TRIM59: variants seen among roughly 807,000 people sequenced by gnomAD.
TRIM59 encodes the protein tripartite motif containing 59.
TRIM59 carries 14 observed loss-of-function variants against 32.2 expected under a neutral mutation model. That is an observed-to-expected ratio of 0.43 (90% CI 0.29 to 0.68). The LOEUF is 0.68. TRIM59 is among the 30% of genes least tolerant of loss of function. The pLI is 0.15. For synonymous variants in TRIM59, 163 were observed against 155.1 expected (o/e 1.05, Z -0.38); for missense variants, 471 against 463.3 (o/e 1.02, Z -0.15).
At chr3:160,449,434 G>T in intron 1 of TRIM59, 1 of 1,144,242 alleles carries the variant, frequency 8.7e-7, no homozygotes, top group Non-Finnish European at 1.1e-6. Flanking sequence ...CCCCAACCCC[G>T]CGGGACTGAC....
chr3:160,436,424 A>T lies in TRIM59; in HGVS notation c.*1548T>A. 1.0e-6 allele frequency: 1 copy of T among 985,960 alleles called. No homozygotes were observed. The highest frequency in any genetic ancestry group is 1.2e-6 in the Non-Finnish European group (1 of 829,994). 61.1% of individuals were successfully genotyped at this position (985,960 alleles called of 1,614,324 possible). On this transcript the variant is annotated 3_prime_UTR_variant, in exon 3 of 3. Transcript: ENST00000309784. ...GACAGTGGGCCAAAAGTCGTAACAC[A>T]TGCATCATAACTCCAGTCCCTGTTA... is the stretch of plus-strand genomic sequence containing the variant.
At position 160,435,861 on chromosome 3, in the gene TRIM59, G is replaced by A. The variant is rs1328706033; in HGVS notation, c.*2111C>T. ...GCATGGGTTTTCTCACAGCTATATG[G>A]CCTTGGACAAGTCACTTGTCAGTTC... On this transcript the variant is annotated 3_prime_UTR_variant, in exon 3 of 3. Coordinates refer to ENST00000309784, the MANE Select transcript of TRIM59 (RefSeq NM_173084.3). 1.1e-6 allele frequency: 1 copy of A among 934,084 alleles called. No homozygotes were observed. The highest frequency in any genetic ancestry group is 1.5e-6 in the Non-Finnish European group (1 of 664,754). The allele number at this position is 934,084 out of a possible 1,614,324, so 57.9% of individuals were successfully genotyped here. A position where few individuals can be genotyped will look rare whatever the true frequency, so the allele number is the denominator to read the frequency against.
rs577317775 is a variant in TRIM59, at chr3:160,449,739, C to G, written c.-96G>C. The G allele has an allele frequency of 1.6e-6, 2 of 1,289,788 alleles. No homozygotes were observed. The highest frequency in any genetic ancestry group is 2.0e-6 in the Non-Finnish European group (2 of 988,790). 79.9% of individuals were successfully genotyped at this position (1,289,788 alleles called of 1,614,324 possible). The stretch of plus-strand genomic sequence containing the variant: ...CACCGCGGGGAGGAAGCGGACCAGG[C>G]AACTCCACAGCACGGAAACACAGCG... On this transcript the variant is annotated 5_prime_UTR_variant, in exon 1 of 3. Coordinates refer to ENST00000309784, the MANE Select transcript of TRIM59 (RefSeq NM_173084.3).
rs1719074670 is a variant in TRIM59, at chr3:160,438,211, C to G, written c.973G>C (p.Glu325Gln). Residue 325 changes from glutamate to glutamine, a missense_variant, in exon 3 of 3, where the codon GAA (glutamate) becomes CAA (glutamine). By Grantham distance (29) the Glu-to-Gln change is conservative (BLOSUM62 2). Coordinates refer to ENST00000309784, the MANE Select transcript of TRIM59 (RefSeq NM_173084.3). ...ACAATGTTTAAAATTTTTAAAAATT[C>G]AACTTCCTTTTCATCCTTACCAGGC... ...SWPGKDEKEV[E>Q]FLKILNIVVV... 4 of 1,612,686 alleles carry G rather than the reference C, an allele frequency of 2.5e-6. No homozygotes were observed. The highest frequency in any genetic ancestry group is 2.5e-6 in the Non-Finnish European group (3 of 1,179,692).
Position 160,438,817 on chromosome 3 carries a change from T to C in TRIM59, c.367A>G (p.Ile123Val), listed in dbSNP as rs750546351. The C allele has an allele frequency of 1.2e-6, 2 of 1,614,036 alleles. No individual in the cohort carries two copies. The highest frequency in any genetic ancestry group is 1.7e-5 in the Admixed American group (1 of 60,028). Residue 123 changes from isoleucine to valine, a missense_variant, in exon 3 of 3, where the codon ATA (isoleucine) becomes GTA (valine). Coordinates refer to ENST00000309784, the MANE Select transcript of TRIM59 (RefSeq NM_173084.3). ...ATAGGATGACCATGATGTTGACCTA[T>C]GGTAAGGCAATGACCACAAACTAAT... ...KKLVCGHCLT[I>V]GQHHGHPIDD...
rs1718932287 is a variant in TRIM59 at position 160,436,156 on chromosome 3, A to G, written c.*1816T>C. 4.8e-6 allele frequency: 5 copies of G among 1,031,866 alleles called. No individual in the cohort carries two copies. Among genetic ancestry groups the G allele is most frequent in the Non-Finnish European group, 5.8e-6 (5 of 856,726 alleles). The allele number at this position is 1,031,866 out of a possible 1,614,324, so 63.9% of individuals were successfully genotyped here. Reference sequence around the variant, plus strand: ...TAGGTATAAGTCTGATTCTAATAATAAATTGATATAATACAGTCATCTTAG... The same window carrying G: ...TAGGTATAAGTCTGATTCTAATAATGAATTGATATAATACAGTCATCTTAG... On this transcript the variant is annotated 3_prime_UTR_variant, in exon 3 of 3. Coordinates refer to ENST00000309784, the MANE Select transcript of TRIM59 (RefSeq NM_173084.3).
Position 160,435,955 on chromosome 3 carries a change from A to C in TRIM59, c.*2017T>G. 7.8e-7 allele frequency: 1 copy of C among 1,281,144 alleles called. No individual in the cohort carries two copies. The highest frequency in any genetic ancestry group is 1.0e-6 in the Non-Finnish European group (1 of 985,764). The allele number at this position is 1,281,144 out of a possible 1,614,324, so 79.4% of individuals were successfully genotyped here. On this transcript the variant is annotated 3_prime_UTR_variant, in exon 3 of 3. Transcript: ENST00000309784. ...ATGAGATTAAGTAGTTTAACACATA[A>C]TGGCTAACATTTCATTGCTTACGTG... is the stretch of plus-strand genomic sequence containing the variant.
In TRIM59 at chr3:160,438,827, A is replaced by G. The variant is rs780333273; in HGVS notation, c.357T>C (p.His119=). 56 of 1,613,946 alleles carry G rather than the reference A, an allele frequency of 3.5e-5. No homozygotes were observed. The highest frequency in any genetic ancestry group is 4.7e-5 in the Non-Finnish European group (56 of 1,179,994). ...CATGATGTTGACCTATGGTAAGGCA[A>G]TGACCACAAACTAATTTTTTATCTA... ...CLLDKKLVCG[H]CLTIGQHHGH... is the part of the protein sequence containing the mutation. Residue 119 remains histidine, a synonymous_variant, in exon 3 of 3, where the codon CAT becomes CAC. Coordinates refer to ENST00000309784, the MANE Select transcript of TRIM59 (RefSeq NM_173084.3).
At chr3:160,441,367 T>C (rs1348103535) in intron 2 of TRIM59, among the ~76,000 whole-genome samples, 4 of 152,230 alleles carry the variant, frequency 2.6e-5, no homozygotes, top group African/African-American at 9.6e-5. Context: ...CCTGTGTTAA[T>C]ACAGATTTTT....
rs1718912566 is a variant in TRIM59, at chr3:160,435,863, C to T, written c.*2109G>A. 4.1e-6 allele frequency: 4 copies of T among 984,424 alleles called. No homozygotes were observed. Among genetic ancestry groups the T allele is most frequent in the Non-Finnish European group, 5.6e-6 (4 of 710,812 alleles). 61.0% of individuals were successfully genotyped at this position (984,424 alleles called of 1,614,324 possible). On this transcript the variant is annotated 3_prime_UTR_variant, in exon 3 of 3. Coordinates refer to ENST00000309784, the MANE Select transcript of TRIM59 (RefSeq NM_173084.3). ...ATGGGTTTTCTCACAGCTATATGGCCTTGGACAAGTCACTTGTCAGTTCCC... is the reference window on the plus strand; with the variant it reads ...ATGGGTTTTCTCACAGCTATATGGCTTTGGACAAGTCACTTGTCAGTTCCC...
chr3:160,435,866 G>T lies in TRIM59; in HGVS notation c.*2106C>A. 1.0e-6 allele frequency: 1 copy of T among 1,002,938 alleles called. No individual in the cohort carries two copies. Among genetic ancestry groups the T allele is most frequent in the Non-Finnish European group, 1.4e-6 (1 of 727,596 alleles). 62.1% of individuals were successfully genotyped at this position (1,002,938 alleles called of 1,614,324 possible). A position where few individuals can be genotyped will look rare whatever the true frequency, so the allele number is the denominator to read the frequency against. ...GGTTTTCTCACAGCTATATGGCCTT[G>T]GACAAGTCACTTGTCAGTTCCCTCA... On this transcript the variant is annotated 3_prime_UTR_variant, in exon 3 of 3. Coordinates refer to ENST00000309784, the MANE Select transcript of TRIM59 (RefSeq NM_173084.3).
chr3:160,449,550 T>C, intron 1 of TRIM59, 167 bp downstream of exon 1: 1 of 1,273,094 alleles, frequency 7.9e-7, no homozygotes, highest in Non-Finnish European at 1.0e-6. Flanking sequence ...CTCCCCAAAC[T>C]CCAGTATGGG....
chr3:160,449,340 G>T, intron 1 of TRIM59: 1 of 387,602 alleles, frequency 2.6e-6, no homozygotes, highest in Non-Finnish European at 4.2e-6. Flanking sequence ...GGCTCAAAAT[G>T]GCAGTACTCT....
chr3:160,438,122 G>C lies in TRIM59; in HGVS notation c.1062C>G (p.Thr354=). 6.2e-7 allele frequency: 1 copy of C among 1,612,446 alleles called. No homozygotes were observed. The highest frequency in any genetic ancestry group is 8.5e-7 in the Non-Finnish European group (1 of 1,179,540). The stretch of plus-strand genomic sequence containing the variant: ...ATATTAAAGTGATTTCACTTAAAAA[G>C]GTTATGATGTGTTGGTTGAAAAAGA... The part of the protein sequence containing the change: ...SILFFNQHII[T]FLSEITLIWF... Residue 354 remains threonine (T), a synonymous_variant, in exon 3 of 3, where the codon ACC becomes ACG. Coordinates refer to ENST00000309784, the MANE Select transcript of TRIM59 (RefSeq NM_173084.3).
At chr3:160,445,773 CAAAAAAAAAAAA>C in intron 2 of TRIM59, among the ~76,000 whole-genome samples, 1 of 90,910 alleles carries the variant, frequency 1.1e-5, no homozygotes, top group East Asian at 4.1e-4. Flanking sequence ...GACTCTGTCT[CAAAAAAAAAAAA>C]AAAAAAAAAT....
chr3:160,444,785 G>C (rs1196401741), intron 2 of TRIM59, among the ~76,000 whole-genome samples: 1 of 152,204 alleles, frequency 6.6e-6, no homozygotes, highest in African/African-American at 2.4e-5. Context: ...CCAGACACAT[G>C]AGTGAAAAAG....
chr3:160,437,299 A>T lies in TRIM59; in HGVS notation c.*673T>A. Reference sequence around the variant, plus strand: ...AGCCTGGGTGGTCGAAACTGCAGTGAGTCATGACCAGACAACTACACTCCA... The same window carrying T: ...AGCCTGGGTGGTCGAAACTGCAGTGTGTCATGACCAGACAACTACACTCCA... On this transcript the variant is annotated 3_prime_UTR_variant, in exon 3 of 3. Transcript: ENST00000309784. 1 of 882,890 alleles carries T rather than the reference A, an allele frequency of 1.1e-6. No individual in the cohort carries two copies. Among genetic ancestry groups the T allele is most frequent in the Non-Finnish European group, 1.4e-6 (1 of 736,678 alleles). The allele number at this position is 882,890 out of a possible 1,614,324, so 54.7% of individuals were successfully genotyped here. A position where few individuals can be genotyped will look rare whatever the true frequency, so the allele number is the denominator to read the frequency against.
In TRIM59 at chr3:160,438,589, T is replaced by C. The variant is rs914619441; in HGVS notation, c.595A>G (p.Lys199Glu). 3 of 1,611,538 alleles carry C rather than the reference T, an allele frequency of 1.9e-6. No individual in the cohort carries two copies. Among genetic ancestry groups the C allele is most frequent in the Admixed American group, 1.7e-5 (1 of 59,476 alleles). The change falls in exon 3 of 3, where the codon AAA becomes GAA. Residue 199 changes from lysine (K) to glutamate (E), a missense_variant. By Grantham distance (56) the Lys-to-Glu change is moderately conservative. Transcript: ENST00000309784. ...AGAGCCGTTAGGAAACTTTTTTTTT[T>C]CTGTTCTAATGTATCATTAAGCTCC... ...FKELNDTLEQ[K>E]KKSFLTALCD... is the part of the protein sequence containing the mutation.
rs1719468595 is a variant in TRIM59, at chr3:160,445,340, T to C, written c.-4+3386A>G. Among the ~76,000 whole-genome samples the C allele has an allele frequency of 1.3e-5, 2 of 152,016 alleles. 1 individual carries two copies. Among genetic ancestry groups the C allele is most frequent in the African/African-American group, 4.8e-5 (2 of 41,384 alleles). On this transcript the variant is annotated intron_variant, in intron 2 of 2. Coordinates refer to ENST00000309784, the MANE Select transcript of TRIM59 (RefSeq NM_173084.3). Reference sequence around the variant, plus strand: ...CTGAGGAGGGAGGATTGCTTGAGCCTGGGAGGTCCAGGCTGCAATGAGCCA... The same window carrying C: ...CTGAGGAGGGAGGATTGCTTGAGCCCGGGAGGTCCAGGCTGCAATGAGCCA...
Sources: allele counts gnomAD v4.1 joint callset (sites outside exome capture counted in the v4.1 genomes callset), GRCh38; gene constraint gnomAD v4.1.1; transcripts MANE v1.5; gene names NCBI Gene and HGNC (gene_info 2026-07-23, HGNC 2026-07-21).